The following SEPTIN7 variants were observed in gnomAD, a reference collection of about 807,000 sequenced individuals.
SEPTIN7 encodes septin-7.
Under a neutral mutation model 63.3 loss-of-function variants are expected in SEPTIN7, and 10 were observed. The observed-to-expected ratio is 0.16, with a 90% CI of 0.10 to 0.27. SEPTIN7 has a LOEUF of 0.27. Ranked by LOEUF, SEPTIN7 falls within the 10% of genes least tolerant of loss-of-function variation. The pLI is 1.00. For missense variants in SEPTIN7, 310 were observed against 521.0 expected (o/e 0.59, Z 3.94); for synonymous variants, 131 against 165.3 (o/e 0.79, Z 1.59).
At chr7:35,863,809 A>T (rs553489657) in intron 4 of SEPTIN7, among the ~76,000 whole-genome samples, 151 bp downstream of exon 4, 81 of 149,332 alleles carry the variant, frequency 5.4e-4, no homozygotes, top group African/African-American at 1.8e-3. Flanking sequence ...ATAAAATTTA[A>T]AAAAAAAAGT....
intron 3 of SEPTIN7, among the ~76,000 whole-genome samples, chr7:35,839,322 G>A (rs561764347): frequency 2.2e-4 from 34 of 152,174 alleles, no homozygotes; most frequent in African/African-American, 7.7e-4. Context: ...TGACCACTGT[G>A]TAATGTTTCC....
intron 1 of SEPTIN7, among the ~76,000 whole-genome samples, chr7:35,806,095 A>T (rs757910023): frequency 6.6e-6 from 1 of 152,042 alleles, no homozygotes; most frequent in Non-Finnish European, 1.5e-5. Flanking sequence ...GACATTGCCA[A>T]ATGTCACGTG....
chr7:35,882,070 C>T (rs1786913285), intron 7 of SEPTIN7, among the ~76,000 whole-genome samples: 2 of 151,824 alleles, frequency 1.3e-5, no homozygotes, highest in South Asian at 2.1e-4. Context: ...AAAAATTTTA[C>T]GTGAGTTTAG....
intron 1 of SEPTIN7, among the ~76,000 whole-genome samples, chr7:35,810,740 A>AT (rs893597224): frequency 6.6e-6 from 1 of 150,680 alleles, no homozygotes; most frequent in African/African-American, 2.4e-5. Context: ...ATATATTGTT[A>AT]TTGTCCATTC....
chr7:35,892,319 A>G (rs1320262082), intron 11 of SEPTIN7, among the ~76,000 whole-genome samples: 2 of 152,182 alleles, frequency 1.3e-5, no homozygotes, highest in Non-Finnish European at 1.5e-5. Context: ...CAATATGTGA[A>G]CAAAAGGAAG....
intron 3 of SEPTIN7, among the ~76,000 whole-genome samples, chr7:35,849,298 C>CA (rs1243985106): frequency 6.6e-6 from 1 of 152,022 alleles, no homozygotes; most frequent in Non-Finnish European, 1.5e-5. Flanking sequence ...ATTTTTCTGC[C>CA]AGGGTGTGTG....
At chr7:35,823,673 A>T (rs1461191112) in intron 1 of SEPTIN7, among the ~76,000 whole-genome samples, 1 of 152,124 alleles carries the variant, frequency 6.6e-6, no homozygotes, top group Non-Finnish European at 1.5e-5. Context: ...TATTGTACTC[A>T]AGTTATGGAT....
chr7:35,847,983 C>G (rs1202930194), intron 3 of SEPTIN7: 1 of 152,226 alleles, frequency 6.6e-6, no homozygotes, highest in East Asian at 1.9e-4. Context: ...TGCTTCCCGT[C>G]TTCTATCCAT....
chr7:35,872,593 C>A, intron 4 of SEPTIN7, 73 bp from the exon 5 acceptor site: 1 of 1,141,888 alleles, frequency 8.8e-7, no homozygotes, highest in Non-Finnish European at 1.3e-6. Context: ...CTCGAACGTC[C>A]CTACCATCAC....
intron 3 of SEPTIN7, among the ~76,000 whole-genome samples, chr7:35,845,051 C>A (rs539458636): frequency 6.6e-6 from 1 of 151,886 alleles, no homozygotes; most frequent in African/African-American, 2.4e-5. Flanking sequence ...GAGTGAGACC[C>A]CATTTCTAAA....
intron 11 of SEPTIN7, 175 bp from the exon 12 acceptor site, chr7:35,898,073 G>C: frequency 4.3e-6 from 2 of 466,044 alleles, no homozygotes; most frequent in Non-Finnish European, 7.3e-6. Context: ...TTGTTTTTTA[G>C]ATTTTTTTCA....
intron 3 of SEPTIN7, among the ~76,000 whole-genome samples, chr7:35,854,240 G>C (rs996546226): frequency 1.3e-5 from 2 of 152,156 alleles, no homozygotes; most frequent in African/African-American, 4.8e-5. Flanking sequence ...GTATTATAAA[G>C]GTTAACTAAG....
chr7:35,896,348 C>T (rs954026951), intron 11 of SEPTIN7, among the ~76,000 whole-genome samples: 1 of 152,124 alleles, frequency 6.6e-6, no homozygotes, highest in African/African-American at 2.4e-5. Flanking sequence ...TTAAGGTTAG[C>T]AATCACAAAA....
chr7:35,855,220 A>C (rs1451385767), intron 3 of SEPTIN7, among the ~76,000 whole-genome samples: 1 of 152,152 alleles, frequency 6.6e-6, no homozygotes, highest in Non-Finnish European at 1.5e-5. Context: ...GTGTGTGTAT[A>C]TACACTGAAT....
the SEPTIN7 span, among the ~76,000 whole-genome samples, chr7:35,915,597 A>G: frequency 6.6e-6 from 1 of 152,080 alleles, no homozygotes; most frequent in Non-Finnish European, 1.5e-5. Flanking sequence ...GCATGGTTCC[A>G]CTGTCATCTA....
chr7:35,877,384 A>G (rs1247731694), intron 6 of SEPTIN7, among the ~76,000 whole-genome samples: 1 of 152,174 alleles, frequency 6.6e-6, no homozygotes, highest in Non-Finnish European at 1.5e-5. Context: ...AAGTATATAC[A>G]GTAATCTTTG....
intron 3 of SEPTIN7, among the ~76,000 whole-genome samples, chr7:35,839,030 A>T (rs1316787071): frequency 2.0e-5 from 3 of 152,238 alleles, no homozygotes; most frequent in Admixed American, 6.5e-5. Flanking sequence ...TTGTTGATTT[A>T]TGTAGGAAGA....
intron 1 of SEPTIN7, among the ~76,000 whole-genome samples, chr7:35,821,421 A>G (rs1789403049): frequency 6.6e-6 from 1 of 152,152 alleles, no homozygotes; most frequent in Non-Finnish European, 1.5e-5. Flanking sequence ...CTGTCCATGC[A>G]TATTTTTCTA....
rs1280670964 is a variant in SEPTIN7 at position 35,905,074 on chromosome 7, T to C, written c.*781T>C. On this transcript the variant is annotated 3_prime_UTR_variant, in exon 14 of 14. Coordinates refer to ENST00000350320, the MANE Select transcript of SEPTIN7 (RefSeq NM_001788.6). ...TTAACTCCCTTTTTACACTTTATGGTAAGTAGCAGGGGGGGAAATGCATTT... is the reference window on the plus strand; with the variant it reads ...TTAACTCCCTTTTTACACTTTATGGCAAGTAGCAGGGGGGGAAATGCATTT... 6.6e-6 allele frequency: 1 copy of C among 152,574 alleles called. No homozygotes were observed. Among genetic ancestry groups the C allele is most frequent in the Non-Finnish European group, 1.5e-5 (1 of 68,022 alleles). The allele number at this position is 152,574 out of a possible 1,614,324, so 9.5% of individuals were successfully genotyped here. A position where few individuals can be genotyped will look rare whatever the true frequency, so the allele number is the denominator to read the frequency against.
Sources: gnomAD v4.1 joint callset for allele counts (sites outside exome capture counted in the v4.1 genomes callset) on GRCh38, gnomAD v4.1.1 for gene constraint, MANE v1.5 for transcripts, NCBI Gene and HGNC (gene_info 2026-07-23, HGNC 2026-07-21) for gene names.